BCL2L13: variants seen among roughly 807,000 people sequenced by gnomAD.
BCL2L13 encodes the protein BCL2 like 13.
A neutral mutation model predicts 25.8 loss-of-function variants in BCL2L13; 13 were observed. That is an observed-to-expected ratio of 0.50 (90% CI 0.33 to 0.80). The LOEUF is 0.80. Among genes scored for constraint, BCL2L13 ranks in the 30% least tolerant of loss-of-function variants. BCL2L13 has a pLI of 0.02. For missense variants in BCL2L13, 504 were observed against 574.9 expected (o/e 0.88, Z 1.26); for synonymous variants, 244 against 230.3 (o/e 1.06, Z -0.54).
intron 6 of BCL2L13, among the ~76,000 whole-genome samples, chr22:17,717,269 A>C (rs1001343134): frequency 5.9e-5 from 9 of 151,948 alleles, no homozygotes; most frequent in Non-Finnish European, 8.8e-5. Flanking sequence ...GGAGTTCAAA[A>C]CCAGTGTGGC....
At chr22:17,686,205 T>C (rs969964670) in intron 3 of BCL2L13, among the ~76,000 whole-genome samples, 1 of 151,862 alleles carries the variant, frequency 6.6e-6, no homozygotes, top group Admixed American at 6.6e-5. Context: ...TCCCAGCACT[T>C]TGGGAGGCTG....
intron 1 of BCL2L13, among the ~76,000 whole-genome samples, chr22:17,629,777 T>C (rs2057966132): frequency 6.6e-6 from 1 of 151,842 alleles, no homozygotes; most frequent in South Asian, 2.1e-4. Flanking sequence ...ATTCAACAAT[T>C]GTTAACATTT....
At chr22:17,659,444 G>A (rs1601552464) in intron 2 of BCL2L13, among the ~76,000 whole-genome samples, 1 of 145,274 alleles carries the variant, frequency 6.9e-6, no homozygotes, top group African/African-American at 2.4e-5. Context: ...GGTGGATCAC[G>A]AGGTCAGGAG....
chr22:17,639,916 G>A (rs1243396396), intron 1 of BCL2L13, among the ~76,000 whole-genome samples: 1 of 150,868 alleles, frequency 6.6e-6, no homozygotes, highest in Non-Finnish European at 1.5e-5. Flanking sequence ...GTGCAATGGC[G>A]CGATCTCAGC....
At chr22:17,694,242 T>G (rs2060198953) in intron 4 of BCL2L13, among the ~76,000 whole-genome samples, 1 of 152,200 alleles carries the variant, frequency 6.6e-6, no homozygotes, top group Admixed American at 6.5e-5. Flanking sequence ...AACCGTGCTT[T>G]AAATAAAGTA....
chr22:17,708,226 T>C (rs2060645736), intron 6 of BCL2L13, among the ~76,000 whole-genome samples: 1 of 150,820 alleles, frequency 6.6e-6, no homozygotes, highest in Admixed American at 6.6e-5. Context: ...AAACACCAAG[T>C]ATAACATGTT....
intron 3 of BCL2L13, among the ~76,000 whole-genome samples, chr22:17,688,043 CCTGA>C (rs1251027012): frequency 6.6e-6 from 1 of 151,940 alleles, no homozygotes; most frequent in Non-Finnish European, 1.5e-5. Flanking sequence ...GTCTCGAACT[CCTGA>C]CCTCAGGTGA....
Position 17,683,266 on chromosome 22 carries a change from A to C in BCL2L13, c.174A>C (p.Lys58Asn). ...CTCTGGATCAAGAAATTTTATTAAA[A>C]GTTAAAACTGAAATTGAAGAAGAGC... Reference protein sequence around the residue: ...SQSLDQEILLKVKTEIEEELK... With the variant: ...SQSLDQEILLNVKTEIEEELK... Residue 58 changes from lysine to asparagine, a missense_variant, in exon 3 of 7, where the codon AAA (lysine) becomes AAC (asparagine). Transcript: ENST00000317582. The C allele has an allele frequency of 6.3e-7, 1 of 1,596,504 alleles. No individual in the cohort carries two copies. The highest frequency in any genetic ancestry group is 1.3e-5 in the African/African-American group (1 of 74,222).
chr22:17,696,072 A>G (rs111621210), intron 4 of BCL2L13, 69 bp from the exon 5 acceptor site: 3 of 1,099,664 alleles, frequency 2.7e-6, no homozygotes, highest in Admixed American at 3.5e-5. Context: ...TAGTGACTGT[A>G]TATGTATTCA....
chr22:17,694,374 G>C (rs987761191), intron 4 of BCL2L13, among the ~76,000 whole-genome samples: 2 of 151,966 alleles, frequency 1.3e-5, no homozygotes, highest in African/African-American at 4.8e-5. Context: ...AACACTCCAA[G>C]TTAAAAATAG....
At chr22:17,629,623 A>T (rs1377224759) in intron 1 of BCL2L13, among the ~76,000 whole-genome samples, 1 of 152,176 alleles carries the variant, frequency 6.6e-6, no homozygotes, top group Non-Finnish European at 1.5e-5. Context: ...GACTCCTAAT[A>T]GTAGAATAAG....
At chr22:17,633,101 A>G (rs1268918928) in intron 1 of BCL2L13, among the ~76,000 whole-genome samples, 1 of 152,206 alleles carries the variant, frequency 6.6e-6, no homozygotes, top group Non-Finnish European at 1.5e-5. Context: ...ACAAAAAAGT[A>G]CAAAGAATAA....
intron 1 of BCL2L13, among the ~76,000 whole-genome samples, chr22:17,643,704 T>C (rs968843438): frequency 2.6e-5 from 4 of 152,076 alleles, no homozygotes; most frequent in African/African-American, 9.7e-5. Context: ...CTCGGCTCAC[T>C]GCACGCCCCG....
At chr22:17,724,335 G>A (rs139586094) in intron 6 of BCL2L13, among the ~76,000 whole-genome samples, 83 of 152,268 alleles carry the variant, frequency 5.5e-4, no homozygotes, top group Admixed American at 4.8e-3. Flanking sequence ...TGAAGAAATT[G>A]AAGTCTAAAA....
chr22:17,695,047 A>G (rs1174850576), intron 4 of BCL2L13, among the ~76,000 whole-genome samples: 1 of 136,764 alleles, frequency 7.3e-6, no homozygotes, highest in African/African-American at 3.1e-5. Flanking sequence ...CCACGTAGCA[A>G]TGCGAGGAAC....
chr22:17,716,717 A>G (rs7290510), intron 6 of BCL2L13, among the ~76,000 whole-genome samples: 7,089 of 152,302 alleles, frequency 0.047, 212 homozygotes, highest in African/African-American at 0.074. Context: ...TGAGTCAGAA[A>G]ATTATAAATA....
intron 2 of BCL2L13, among the ~76,000 whole-genome samples, chr22:17,667,496 G>A (rs1201368652): frequency 2.0e-5 from 3 of 148,874 alleles, no homozygotes; most frequent in Admixed American, 6.7e-5. Context: ...AAATTGAGTT[G>A]TAAGAAGTCT....
intron 6 of BCL2L13, among the ~76,000 whole-genome samples, chr22:17,720,360 A>G (rs1359632620): frequency 1.3e-5 from 2 of 150,788 alleles, no homozygotes; most frequent in East Asian, 3.9e-4. Context: ...AAATTTTTTA[A>G]TTTTTCTTTT....
At chr22:17,630,086 T>G (rs982682520) in intron 1 of BCL2L13, among the ~76,000 whole-genome samples, 5 of 151,594 alleles carry the variant, frequency 3.3e-5, no homozygotes, top group Non-Finnish European at 7.4e-5. Context: ...GGCGTGGTGG[T>G]GTGTGCCTGT....
Sources: gnomAD v4.1 joint callset for allele counts (sites outside exome capture counted in the v4.1 genomes callset) on GRCh38, gnomAD v4.1.1 for gene constraint, MANE v1.5 for transcripts, NCBI Gene and HGNC (gene_info 2026-07-23, HGNC 2026-07-21) for gene names.